FLI1: variants seen among roughly 807,000 people sequenced by gnomAD.
FLI1 encodes Friend leukemia integration 1 transcription factor.
A neutral mutation model predicts 53.1 loss-of-function variants in FLI1; 13 were observed. That is an observed-to-expected ratio of 0.24 (90% CI 0.16 to 0.39). The LOEUF (loss-of-function observed/expected upper bound fraction) is 0.39, where lower values mean the gene tolerates loss of function less well. Among genes scored for constraint, FLI1 ranks in the 10% least tolerant of loss-of-function variants. The pLI is 1.00. For missense variants in FLI1, 424 were observed against 600.5 expected, an observed-to-expected ratio of 0.71 and a Z score of 3.07; for synonymous variants, 244 against 236.7, an observed-to-expected ratio of 1.03 and a Z score of -0.28.
At chr11:128,758,637 A>G (rs912275156) in intron 2 of FLI1, among the ~76,000 whole-genome samples, 2 of 152,236 alleles carry the variant, frequency 1.3e-5, no homozygotes, top group African/African-American at 4.8e-5. Flanking sequence ...GCCCAGGTCC[A>G]GTCCTGTTGG....
intron 1 of FLI1, among the ~76,000 whole-genome samples, chr11:128,709,127 A>G (rs927595183): frequency 6.6e-6 from 1 of 152,244 alleles, no homozygotes; most frequent in African/African-American, 2.4e-5. Context: ...TCGGTCAGAT[A>G]ATAACTTCTC....
At chr11:128,693,539 T>C (rs1172337103), upstream of FLI1, 8 of 183,228 alleles carry the variant, frequency 4.4e-5, no homozygotes, top group Non-Finnish European at 6.9e-5. Context: ...CCCCAAAAAG[T>C]TTGTCTCCGG....
At chr11:128,772,462 C>T (rs749404442) in intron 3 of FLI1, among the ~76,000 whole-genome samples, 1 of 152,204 alleles carries the variant, frequency 6.6e-6, no homozygotes, top group Non-Finnish European at 1.5e-5. Context: ...GTCCCGGGGT[C>T]TGTGAAATTG....
At chr11:128,686,428 T>G (rs1273887787), upstream of FLI1, 10 of 456,142 alleles carry the variant, frequency 2.2e-5, no homozygotes, top group Admixed American at 2.1e-4. Flanking sequence ...CACCGTCCCC[T>G]GGCCTGAAGC....
At chr11:128,743,485 G>T (rs1353600354) in intron 1 of FLI1, among the ~76,000 whole-genome samples, 11 of 152,022 alleles carry the variant, frequency 7.2e-5, no homozygotes, top group Admixed American at 5.9e-4. Context: ...AACTGAACGG[G>T]ACAAAGGAGC....
At chr11:128,699,564 A>G (rs935367613) in intron 1 of FLI1, among the ~76,000 whole-genome samples, 1 of 152,218 alleles carries the variant, frequency 6.6e-6, no homozygotes, top group Non-Finnish European at 1.5e-5. Context: ...TTTCCTCTGC[A>G]GAAGACTACA....
chr11:128,693,548 G>A (rs542577058), upstream of FLI1, among the ~76,000 whole-genome samples: 1 of 150,976 alleles, frequency 6.6e-6, no homozygotes, highest in South Asian at 2.1e-4. Context: ...GTTTGTCTCC[G>A]GCTGGAAAAA....
At chr11:128,770,364 C>T (rs1384360410) in intron 3 of FLI1, among the ~76,000 whole-genome samples, 1 of 152,204 alleles carries the variant, frequency 6.6e-6, no homozygotes, top group Non-Finnish European at 1.5e-5. Context: ...CCAGGCCAGG[C>T]TGTGGATATG....
chr11:128,751,152 C>T (rs912101833), intron 1 of FLI1, among the ~76,000 whole-genome samples: 5 of 152,162 alleles, frequency 3.3e-5, no homozygotes, highest in African/African-American at 1.2e-4. Context: ...CGGCTCTGTA[C>T]TCTAGGAGCC....
At chr11:128,731,669 G>A (rs143029290) in intron 1 of FLI1, among the ~76,000 whole-genome samples, 4 of 152,112 alleles carry the variant, frequency 2.6e-5, no homozygotes, top group South Asian at 2.1e-4. Flanking sequence ...AACGGTCATC[G>A]TGATTTGACC....
At chr11:128,730,551 A>C (rs1939654023) in intron 1 of FLI1, among the ~76,000 whole-genome samples, 1 of 152,232 alleles carries the variant, frequency 6.6e-6, no homozygotes, top group Non-Finnish European at 1.5e-5. Flanking sequence ...TGGAACAGAC[A>C]CATGTTTTCA....
At chr11:128,742,347 T>G (rs1287249381) in intron 1 of FLI1, among the ~76,000 whole-genome samples, 1 of 152,226 alleles carries the variant, frequency 6.6e-6, no homozygotes, top group Non-Finnish European at 1.5e-5. Context: ...AATAAATATT[T>G]GCTAAATTAA....
chr11:128,746,951 A>G lies in FLI1; in HGVS notation c.19-11164A>G, dbSNP rs539801678. Among the ~76,000 whole-genome samples, 20 of 152,296 alleles carry G rather than the reference A, an allele frequency of 1.3e-4. No homozygotes were observed. In the East Asian group the frequency reaches 3.9e-3, roughly 29 times the overall value. On this transcript the variant is annotated intron_variant, in intron 1 of 8. Coordinates refer to ENST00000527786, the MANE Select transcript of FLI1 (RefSeq NM_002017.5). Reference sequence around the variant, plus strand: ...ATTTAAAGCAGCTGTCCATGAAGGGAAGCAAGCAGTGTGGTGATTGGCTGC... The same window carrying G: ...ATTTAAAGCAGCTGTCCATGAAGGGGAGCAAGCAGTGTGGTGATTGGCTGC...
intron 5 of FLI1, among the ~76,000 whole-genome samples, chr11:128,797,046 T>C (rs551393505): frequency 6.6e-6 from 1 of 152,356 alleles, no homozygotes; most frequent in East Asian, 1.9e-4. Context: ...CCACTTCTGC[T>C]ACACTGAACC....
chr11:128,730,143 A>T (rs1027014028), intron 1 of FLI1, among the ~76,000 whole-genome samples: 2 of 152,216 alleles, frequency 1.3e-5, no homozygotes, highest in Non-Finnish European at 2.9e-5. Flanking sequence ...TCTGATTTGT[A>T]TATTATCACC....
chr11:128,723,658 C>T (rs1939349781), intron 1 of FLI1, among the ~76,000 whole-genome samples: 1 of 152,206 alleles, frequency 6.6e-6, no homozygotes, highest in Admixed American at 6.5e-5. Context: ...TTTGTTCTTT[C>T]ATTAATGTAA....
chr11:128,783,754 G>T (rs908485254), intron 5 of FLI1, among the ~76,000 whole-genome samples: 1 of 152,214 alleles, frequency 6.6e-6, no homozygotes, highest in African/African-American at 2.4e-5. Flanking sequence ...GGCCAGCCCT[G>T]ACTCTGGAGA....
chr11:128,807,131 C>G (rs781183757), intron 6 of FLI1, 49 bp from the exon 7 acceptor site: 2 of 1,334,268 alleles, frequency 1.5e-6, no homozygotes, highest in East Asian at 2.5e-5. Flanking sequence ...TCTTGCTCCC[C>G]TCGGGGAGCT....
intron 1 of FLI1, among the ~76,000 whole-genome samples, chr11:128,738,277 T>A (rs913636053): frequency 6.6e-6 from 1 of 152,214 alleles, no homozygotes; most frequent in Non-Finnish European, 1.5e-5. Context: ...CTGTTTCTAC[T>A]CTACACTCCA....
Sources: allele counts gnomAD v4.1 joint callset (sites outside exome capture counted in the v4.1 genomes callset), GRCh38; gene constraint gnomAD v4.1.1; transcripts MANE v1.5; gene names NCBI Gene and HGNC (gene_info 2026-07-23, HGNC 2026-07-21).